Variants in QTMAN observed in about 807,000 individuals in gnomAD.
QTMAN encodes the protein tRNA-queuosine alpha-mannosyltransferase.
At chr2:144,130,946 A>G in the QTMAN span, among the ~76,000 whole-genome samples, 3 of 152,028 alleles carry the variant, frequency 2.0e-5, no homozygotes, top group African/African-American at 7.2e-5. Flanking sequence ...CAAAGAGAAG[A>G]GTAATTCAAT....
chr2:144,260,948 T>A, the QTMAN span, among the ~76,000 whole-genome samples: 4 of 151,964 alleles, frequency 2.6e-5, no homozygotes, highest in Admixed American at 2.6e-4. Context: ...TCTAAATAAA[T>A]AAAAATGGCA....
chr2:144,184,219 C>T, the QTMAN span, among the ~76,000 whole-genome samples: 4 of 152,068 alleles, frequency 2.6e-5, no homozygotes, highest in Non-Finnish European at 5.9e-5. Flanking sequence ...CAAACATGCA[C>T]TATACTGAAT....
chr2:144,250,751 GAAAAAAAA>G, the QTMAN span, among the ~76,000 whole-genome samples: 1 of 67,092 alleles, frequency 1.5e-5, no homozygotes, highest in Non-Finnish European at 3.4e-5. Context: ...CTTTAAGGCC[GAAAAAAAA>G]AAAAAAAAAA....
At chr2:144,059,974 T>C in the QTMAN span, among the ~76,000 whole-genome samples, 1 of 152,286 alleles carries the variant, frequency 6.6e-6, no homozygotes, top group East Asian at 1.9e-4. Context: ...CTCTTAACTA[T>C]ATCTGAAATT....
At chr2:144,182,911 A>ATTT in the QTMAN span, among the ~76,000 whole-genome samples, 3 of 104,168 alleles carry the variant, frequency 2.9e-5, no homozygotes, top group African/African-American at 1.1e-4. Flanking sequence ...TTATATATAT[A>ATTT]TATAAAATAT....
chr2:144,210,310 G>A, the QTMAN span, among the ~76,000 whole-genome samples: 3 of 152,182 alleles, frequency 2.0e-5, no homozygotes, highest in Admixed American at 6.6e-5. Flanking sequence ...ATTAGAAAAT[G>A]CATGTGAAGC....
At chr2:144,273,863 C>T in the QTMAN span, among the ~76,000 whole-genome samples, 397 of 152,248 alleles carry the variant, frequency 2.6e-3, 1 homozygote, top group African/African-American at 8.5e-3. Context: ...TGGCCGGGCG[C>T]GGTGGCTCAC....
the QTMAN span, among the ~76,000 whole-genome samples, chr2:143,980,091 C>T: frequency 6.6e-6 from 1 of 152,016 alleles, no homozygotes; most frequent in Non-Finnish European, 1.5e-5. Flanking sequence ...CATAGGTTAA[C>T]GTGTTGCCAT....
At chr2:144,247,690 T>G in the QTMAN span, among the ~76,000 whole-genome samples, 1 of 152,220 alleles carries the variant, frequency 6.6e-6, no homozygotes, top group Non-Finnish European at 1.5e-5. Context: ...CTTTCTTTTT[T>G]TTGACAGGGT....
chr2:144,298,317 G>A, the QTMAN span, among the ~76,000 whole-genome samples: 131 of 152,222 alleles, frequency 8.6e-4, 2 homozygotes, highest in East Asian at 0.022. Context: ...CGCGCCCAGA[G>A]AGAGAATATT....
At chr2:144,310,980 T>C in the QTMAN span, among the ~76,000 whole-genome samples, 2 of 152,224 alleles carry the variant, frequency 1.3e-5, no homozygotes, top group East Asian at 3.8e-4. Flanking sequence ...TAATCCATAT[T>C]TGATTTTAAT....
chr2:144,081,106 T>G, the QTMAN span, among the ~76,000 whole-genome samples: 2 of 152,176 alleles, frequency 1.3e-5, no homozygotes, highest in African/African-American at 4.8e-5. Context: ...TTAATATTCA[T>G]TTAGTCTCCT....
chr2:144,179,436 G>C, the QTMAN span, among the ~76,000 whole-genome samples: 1 of 152,066 alleles, frequency 6.6e-6, no homozygotes, highest in Non-Finnish European at 1.5e-5. Flanking sequence ...CAACCCTCCA[G>C]ATATTTTCAT....
At chr2:143,981,102 ATAC>A in the QTMAN span, among the ~76,000 whole-genome samples, 3 of 152,212 alleles carry the variant, frequency 2.0e-5, no homozygotes, top group Admixed American at 6.5e-5. Flanking sequence ...TAACATTCAT[ATAC>A]TACTGATGAT....
the QTMAN span, among the ~76,000 whole-genome samples, chr2:144,053,790 T>C: frequency 6.6e-6 from 1 of 152,178 alleles, no homozygotes; most frequent in Non-Finnish European, 1.5e-5. Flanking sequence ...CCTTTCAGCA[T>C]ATTCAGGAGC....
At chr2:144,165,104 G>A in the QTMAN span, among the ~76,000 whole-genome samples, 3 of 152,142 alleles carry the variant, frequency 2.0e-5, no homozygotes, top group African/African-American at 7.2e-5. Flanking sequence ...AGGTGCGGTG[G>A]CTCACGACTG....
At chr2:144,271,590 T>TA in the QTMAN span, among the ~76,000 whole-genome samples, 21 of 152,254 alleles carry the variant, frequency 1.4e-4, no homozygotes, top group African/African-American at 4.1e-4. Flanking sequence ...GAGTAGACAA[T>TA]AATATAAATA....
At chr2:144,202,145 A>T in the QTMAN span, among the ~76,000 whole-genome samples, 1 of 152,218 alleles carries the variant, frequency 6.6e-6, no homozygotes, top group African/African-American at 2.4e-5. Context: ...ATTAATGGAA[A>T]GGACAATGTG....
chr2:144,086,264 T>C, the QTMAN span, among the ~76,000 whole-genome samples: 1 of 152,240 alleles, frequency 6.6e-6, no homozygotes, highest in African/African-American at 2.4e-5. Context: ...TGAGTGGTAA[T>C]GGAGATGTAG....
Sources: allele counts gnomAD v4.1 joint callset (sites outside exome capture counted in the v4.1 genomes callset), GRCh38; gene constraint gnomAD v4.1.1; transcripts MANE v1.5; gene names NCBI Gene and HGNC (gene_info 2026-07-23, HGNC 2026-07-21).